LTBP1: variants seen among roughly 807,000 people sequenced by gnomAD.
LTBP1 encodes the protein latent transforming growth factor beta binding protein 1.
LTBP1 carries 129 observed loss-of-function variants against 207.6 expected under a neutral mutation model. The ratio of observed to expected loss-of-function variants is 0.62; its 90% confidence interval spans 0.54 to 0.72. LTBP1 has a LOEUF of 0.72. Ranked by LOEUF, LTBP1 falls within the 30% of genes least tolerant of loss-of-function variation. The probability of loss-of-function intolerance (pLI) is 0.00; values close to 1 mark genes in which losing one functional copy is unlikely to be tolerated. For missense variants in LTBP1, 2,281 were observed against 2,217.2 expected, an observed-to-expected ratio of 1.03 and a Z score of -0.58; for synonymous variants, 963 against 833.7, an observed-to-expected ratio of 1.16 and a Z score of -2.67.
intron 5 of LTBP1, among the ~76,000 whole-genome samples, chr2:33,153,191 G>T (rs2083679864): frequency 6.6e-6 from 1 of 152,148 alleles, no homozygotes; most frequent in Admixed American, 6.5e-5. Flanking sequence ...TTGAATCAAA[G>T]GATGATTTTG....
rs2075133173 is a variant in LTBP1 at position 33,020,889 on chromosome 2, C to T, written c.566-20C>T. 1 of 1,552,554 alleles carries T rather than the reference C, an allele frequency of 6.4e-7. No individual in the cohort carries two copies. The highest frequency in any genetic ancestry group is 8.7e-7 in the Non-Finnish European group (1 of 1,144,344). ...ACAATGTTGTTCTTCAAAGCTGTGC[C>T]TTCTGTTTTCTTTCTGCAGCTAGCT... On this transcript the variant is annotated intron_variant, in intron 2 of 33. Coordinates refer to ENST00000404816, the MANE Select transcript of LTBP1 (RefSeq NM_206943.4).
At chr2:33,157,866 A>C (rs1233229362) in intron 5 of LTBP1, among the ~76,000 whole-genome samples, 1 of 152,142 alleles carries the variant, frequency 6.6e-6, no homozygotes, top group Non-Finnish European at 1.5e-5. Flanking sequence ...TATAGGCCAC[A>C]TGCGGTGGTT....
intron 2 of LTBP1, among the ~76,000 whole-genome samples, chr2:33,016,652 C>T (rs371073849): frequency 9.9e-5 from 15 of 152,212 alleles, no homozygotes; most frequent in African/African-American, 2.9e-4. Flanking sequence ...CTCCACTCAT[C>T]GAGCTGAACC....
chr2:33,071,643 T>TAAC (rs3047241), intron 3 of LTBP1, among the ~76,000 whole-genome samples: 135,930 of 152,010 alleles, frequency 0.89, 62,492 homozygotes, highest in East Asian at 1. Context: ...TATGATGTCG[T>TAAC]AACAAGTCAT....
chr2:32,988,339 T>A (rs1180140825), intron 2 of LTBP1, among the ~76,000 whole-genome samples: 1 of 152,252 alleles, frequency 6.6e-6, no homozygotes, highest in East Asian at 1.9e-4. Flanking sequence ...ATATTGCACC[T>A]GCTACAGTTT....
At chr2:33,334,835 G>A (rs925135276) in intron 24 of LTBP1, among the ~76,000 whole-genome samples, 1 of 151,606 alleles carries the variant, frequency 6.6e-6, no homozygotes, top group South Asian at 2.1e-4. Flanking sequence ...CTGGTTGGCC[G>A]AGGTGGGAGG....
intron 4 of LTBP1, among the ~76,000 whole-genome samples, chr2:33,116,842 A>T (rs2080776179): frequency 6.6e-6 from 1 of 152,126 alleles, no homozygotes. Flanking sequence ...TTAAAGTGTT[A>T]AACCTAACCT....
intron 31 of LTBP1, 111 bp downstream of exon 31, chr2:33,365,614 T>G: frequency 3.9e-6 from 4 of 1,030,600 alleles, no homozygotes. Context: ...TCCTGATATC[T>G]TACTTTCATC....
At position 33,134,530 on chromosome 2, in the gene LTBP1, C is replaced by T. The variant is rs749312507; in HGVS notation, c.1034-263C>T. ...GGTTAGTAATCCCACTCCAGTGACT[C>T]GACTTCAAATGTGGTTTTGGAGTGC... On this transcript the variant is annotated intron_variant, in intron 4 of 33. Coordinates refer to ENST00000404816, the MANE Select transcript of LTBP1 (RefSeq NM_206943.4). The surrounding 1 kb of genome is among the most constrained non-coding windows in gnomAD (Gnocchi z 4.4). 7.3e-6 allele frequency: 11 copies of T among 1,498,444 alleles called. No individual in the cohort carries two copies. Among genetic ancestry groups the T allele is most frequent in the Middle Eastern group, 1.7e-4 (1 of 5,756 alleles). The allele number at this position is 1,498,444 out of a possible 1,614,324, so 92.8% of individuals were successfully genotyped here. A position where few individuals can be genotyped will look rare whatever the true frequency, so the allele number is the denominator to read the frequency against.
intron 18 of LTBP1, among the ~76,000 whole-genome samples, chr2:33,278,500 A>T (rs1398309273): frequency 6.6e-6 from 1 of 152,182 alleles, no homozygotes; most frequent in Non-Finnish European, 1.5e-5. Flanking sequence ...GTCTCCAAGG[A>T]GTCTATTGTA....
At chr2:33,089,172 A>G (rs1174884132) in intron 3 of LTBP1, among the ~76,000 whole-genome samples, 3 of 144,148 alleles carry the variant, frequency 2.1e-5, no homozygotes, top group Non-Finnish European at 4.6e-5. Flanking sequence ...AAAAAAAAAA[A>G]GAAAAAAAGA....
intron 2 of LTBP1, among the ~76,000 whole-genome samples, chr2:33,010,355 G>A (rs1298712792): frequency 6.6e-6 from 1 of 152,178 alleles, no homozygotes; most frequent in Non-Finnish European, 1.5e-5. Flanking sequence ...ATCAGAGGCT[G>A]GCTAGGAAGA....
chr2:33,052,061 C>T (rs929049215), intron 3 of LTBP1, among the ~76,000 whole-genome samples: 1 of 152,220 alleles, frequency 6.6e-6, no homozygotes, highest in African/African-American at 2.4e-5. Flanking sequence ...GGGTTACAGC[C>T]TGGTCTCATA....
chr2:33,100,317 A>G (rs1260360336), intron 3 of LTBP1, among the ~76,000 whole-genome samples: 3 of 152,082 alleles, frequency 2.0e-5, no homozygotes, highest in Non-Finnish European at 2.9e-5. Flanking sequence ...CTACTCCAGA[A>G]TTGGCATCTC....
At chr2:33,309,706 C>A in intron 23 of LTBP1, 150 bp downstream of exon 23, 2 of 872,376 alleles carry the variant, frequency 2.3e-6, no homozygotes, top group Admixed American at 2.8e-5. Context: ...CTTGGGTCCA[C>A]ATCAAGTGCA....
At chr2:32,955,739 C>T (rs751438192) in intron 2 of LTBP1, among the ~76,000 whole-genome samples, 23 of 152,064 alleles carry the variant, frequency 1.5e-4, no homozygotes, top group Admixed American at 2.0e-4. Context: ...ATGATTTATA[C>T]ATAAAGGAGA....
chr2:33,088,701 G>A (rs1035154099), intron 3 of LTBP1, among the ~76,000 whole-genome samples: 1 of 152,132 alleles, frequency 6.6e-6, no homozygotes, highest in African/African-American at 2.4e-5. Context: ...TAATGAACAG[G>A]TACATAAAGG....
At chr2:33,383,615 AG>A (rs2095240287) in intron 31 of LTBP1, among the ~76,000 whole-genome samples, 1 of 151,898 alleles carries the variant, frequency 6.6e-6, no homozygotes, top group African/African-American at 2.4e-5. Context: ...GCTGGAGTGC[AG>A]TGGCACAATC....
In LTBP1 at chr2:33,001,806, T is replaced by TGAC. The variant is rs1409432143; in HGVS notation, c.566-19102_566-19100dup. Among the ~76,000 whole-genome samples the TGAC allele has an allele frequency of 1.5e-5, 2 of 135,408 alleles. 1 individual carries two copies. The highest frequency in any genetic ancestry group is 1.5e-4 in the Admixed American group (2 of 13,154). 88.8% of individuals were successfully genotyped at this position (135,408 alleles called of 152,430 possible). A position where few individuals can be genotyped will look rare whatever the true frequency, so the allele number is the denominator to read the frequency against. On this transcript the variant is annotated intron_variant, in intron 2 of 33. Transcript: ENST00000404816. The stretch of plus-strand genomic sequence containing the variant: ...TTATTGCCAGGGCTTGATTAGAATG[T>TGAC]GACAAGTCATTGCTGAACATTGGTT...
Sources: allele counts gnomAD v4.1 joint callset (sites outside exome capture counted in the v4.1 genomes callset), GRCh38; gene constraint gnomAD v4.1.1; non-coding constraint Gnocchi (gnomAD v3.1); transcripts MANE v1.5; gene names NCBI Gene and HGNC (gene_info 2026-07-23, HGNC 2026-07-21).